LY96: variants seen among roughly 807,000 people sequenced by gnomAD.
LY96 encodes the protein myeloid differentiation protein-2.
LY96 carries 18 observed loss-of-function variants against 18.9 expected under a neutral mutation model. The ratio of observed to expected loss-of-function variants is 0.95; its 90% confidence interval spans 0.66 to 1.41. The LOEUF (loss-of-function observed/expected upper bound fraction) is 1.41, where lower values mean the gene tolerates loss of function less well. Among genes scored for constraint, LY96 ranks in the 40% most tolerant of loss-of-function variants. The pLI is 0.00. For synonymous variants in LY96, 66 were observed against 62.6 expected (o/e 1.06, Z -0.26); for missense variants, 175 against 182.4 (o/e 0.96, Z 0.23).
At chr8:74,035,455 C>T in the LY96 span, among the ~76,000 whole-genome samples, 9 of 152,118 alleles carry the variant, frequency 5.9e-5, no homozygotes, top group Admixed American at 2.0e-4. Context: ...AAATCTTGGT[C>T]GTAAGAGGGA....
At chr8:74,050,985 C>T in the LY96 span, among the ~76,000 whole-genome samples, 2,703 of 152,006 alleles carry the variant, frequency 0.018, 94 homozygotes, top group Admixed American at 0.078. Context: ...ATCGTGCCAC[C>T]GCACTCCAGC....
the LY96 span, among the ~76,000 whole-genome samples, chr8:74,081,136 T>C: frequency 6.9e-6 from 1 of 145,954 alleles, no homozygotes; most frequent in Non-Finnish European, 1.5e-5. Flanking sequence ...CTTCCTTCCT[T>C]CCTTCCTTCT....
intron 1 of LY96, among the ~76,000 whole-genome samples, chr8:73,995,923 G>A (rs1297414752): frequency 6.6e-6 from 1 of 152,170 alleles, no homozygotes; most frequent in Non-Finnish European, 1.5e-5. Context: ...TAATTGCTGT[G>A]AAAGAAAAAT....
chr8:74,092,305 A>T, the LY96 span, among the ~76,000 whole-genome samples: 55 of 152,298 alleles, frequency 3.6e-4, no homozygotes, highest in African/African-American at 1.2e-3. Flanking sequence ...CAGTATCCCC[A>T]CATTGCCCCC....
At chr8:73,996,563 A>G (rs1414656252) in intron 1 of LY96, among the ~76,000 whole-genome samples, 1 of 151,822 alleles carries the variant, frequency 6.6e-6, no homozygotes, top group Non-Finnish European at 1.5e-5. Context: ...GACTACAGCC[A>G]TGCATCACCA....
At chr8:74,012,611 C>A (rs939390951) in intron 3 of LY96, among the ~76,000 whole-genome samples, 5 of 152,036 alleles carry the variant, frequency 3.3e-5, no homozygotes, top group African/African-American at 1.2e-4. Flanking sequence ...CTGACTTGAC[C>A]ACTACACAAC....
At chr8:74,054,617 C>CTTCATTCTTTCT in the LY96 span, among the ~76,000 whole-genome samples, 26 of 70,098 alleles carry the variant, frequency 3.7e-4, no homozygotes, top group Non-Finnish European at 6.2e-4. Flanking sequence ...TTTCCTTTTC[C>CTTCATTCTTTCT]TTCTTTCTTT....
chr8:74,090,028 C>A, the LY96 span, among the ~76,000 whole-genome samples: 2 of 152,170 alleles, frequency 1.3e-5, no homozygotes, highest in East Asian at 1.9e-4. Flanking sequence ...AATGATTTTG[C>A]ATTTTGGATG....
At chr8:74,036,836 C>G in the LY96 span, among the ~76,000 whole-genome samples, 18 of 152,174 alleles carry the variant, frequency 1.2e-4, no homozygotes, top group Non-Finnish European at 2.5e-4. Context: ...TACCCCTTCA[C>G]TTAGTTTTGA....
intron 1 of LY96, among the ~76,000 whole-genome samples, chr8:74,003,952 T>G (rs1816353300): frequency 6.6e-6 from 1 of 152,190 alleles, no homozygotes; most frequent in African/African-American, 2.4e-5. Flanking sequence ...GCAGCTGTGT[T>G]TTTTTGTCCA....
At chr8:74,074,009 T>A in the LY96 span, among the ~76,000 whole-genome samples, 1 of 151,776 alleles carries the variant, frequency 6.6e-6, no homozygotes, top group African/African-American at 2.4e-5. Flanking sequence ...TGGTTTTGTT[T>A]GTTTTTGAGA....
intron 3 of LY96, among the ~76,000 whole-genome samples, chr8:74,017,417 C>T (rs534734084): frequency 1.5e-3 from 235 of 152,278 alleles, no homozygotes; most frequent in Non-Finnish European, 2.8e-3. Flanking sequence ...AAGACCAAAT[C>T]TACATTTGAT....
At chr8:74,099,114 G>A in the LY96 span, among the ~76,000 whole-genome samples, 1 of 152,110 alleles carries the variant, frequency 6.6e-6, no homozygotes, top group African/African-American at 2.4e-5. Context: ...TTTTGTCTGT[G>A]TTCTTTCCAC....
chr8:74,004,809 C>A lies in LY96; in HGVS notation c.126C>A (p.Tyr42Ter). Residue 42 changes from tyrosine (Y) to a stop codon, truncating the protein, a stop_gained, in exon 2 of 5, where the codon TAC becomes TAA. Coordinates refer to ENST00000284818, the MANE Select transcript of LY96 (RefSeq NM_015364.5). LOFTEE classifies it high-confidence loss of function. ...TATTGCTTTTAGATAAAATGCAATA[C>A]CCAATTTCAATTAATGTTAACCCCT... ...ISYTYCDKMQ[Y>*]PISINVNPCI... is the part of the protein sequence containing the mutation. The A allele has an allele frequency of 6.4e-7, 1 of 1,573,430 alleles. No homozygotes were observed.
chr8:74,086,573 C>T, the LY96 span, among the ~76,000 whole-genome samples: 9 of 152,254 alleles, frequency 5.9e-5, no homozygotes, highest in East Asian at 1.9e-4. Context: ...CAAAAATGGT[C>T]GGATATAATT....
downstream of LY96, among the ~76,000 whole-genome samples, chr8:74,031,109 T>C (rs749828931): frequency 2.0e-5 from 3 of 151,132 alleles, no homozygotes; most frequent in Admixed American, 6.6e-5. Flanking sequence ...GACCACCTGA[T>C]AGGGTGTCAG....
At chr8:74,008,171 G>A (rs1169390444) in intron 2 of LY96, among the ~76,000 whole-genome samples, 24 of 152,226 alleles carry the variant, frequency 1.6e-4, no homozygotes, top group Admixed American at 1.6e-3. Flanking sequence ...GACCACAGTG[G>A]TGTCCAAGGA....
At chr8:74,025,933 G>A (rs1028389745) in intron 3 of LY96, among the ~76,000 whole-genome samples, 7 of 152,044 alleles carry the variant, frequency 4.6e-5, no homozygotes, top group Non-Finnish European at 1.5e-5. Flanking sequence ...TCTTGAACCC[G>A]TGAGGCAGAG....
Position 74,002,060 on chromosome 8 carries a change from TTCCTTCCTTCCTTC to T in LY96, c.113-2735_113-2722del, listed in dbSNP as rs1563710777. On this transcript the variant is annotated intron_variant, in intron 1 of 4. Transcript: ENST00000284818. ...CTTCCTTCCTTCCTTCCTTCCTTCC[TTCCTTCCTTCCTTC>T]CTTTCTTTCTTTCTTTCTTTCTCTC... 2.0e-3 allele frequency among the ~76,000 whole-genome samples: 86 copies of T among 42,142 alleles called. 11 individuals carry two copies. The East Asian group carries it at 0.026, about 13-fold the overall frequency. 27.6% of individuals were successfully genotyped at this position (42,142 alleles called of 152,430 possible).
Sources: gnomAD v4.1 joint callset for allele counts (sites outside exome capture counted in the v4.1 genomes callset) on GRCh38, gnomAD v4.1.1 for gene constraint, MANE v1.5 for transcripts, NCBI Gene and HGNC (gene_info 2026-07-23, HGNC 2026-07-21) for gene names.